The following CCSER1 variants were observed in gnomAD, a reference collection of about 807,000 sequenced individuals.
CCSER1 encodes serine-rich coiled-coil domain-containing protein 1.
Under a neutral mutation model 82.0 loss-of-function variants are expected in CCSER1, and 41 were observed. The ratio of observed to expected loss-of-function variants is 0.50; its 90% CI spans 0.39 to 0.65. CCSER1 has a LOEUF of 0.65. Ranked by LOEUF, CCSER1 falls within the 30% of genes least tolerant of loss-of-function variation. The probability of loss-of-function intolerance (pLI) is 0.00; values close to 1 mark genes in which losing one functional copy is unlikely to be tolerated. For missense variants in CCSER1, 1,119 were observed against 1,064.2 expected, an observed-to-expected ratio of 1.05 and a Z score of -0.72; for synonymous variants, 414 against 383.9, an observed-to-expected ratio of 1.08 and a Z score of -0.92.
intron 10 of CCSER1, among the ~76,000 whole-genome samples, chr4:91,404,443 G>A (rs1186666646): frequency 1.3e-5 from 2 of 152,178 alleles, no homozygotes; most frequent in East Asian, 3.9e-4. Flanking sequence ...GCTAGCTTTT[G>A]AATGTGTTTG....
intron 5 of CCSER1, among the ~76,000 whole-genome samples, chr4:90,510,989 A>C (rs1343366464): frequency 1.3e-5 from 2 of 152,168 alleles, no homozygotes; most frequent in Non-Finnish European, 2.9e-5. Context: ...AAGATTAGGG[A>C]GATGAGGAAA....
At chr4:90,148,374 T>C (rs535768689) in intron 1 of CCSER1, among the ~76,000 whole-genome samples, 10 of 152,294 alleles carry the variant, frequency 6.6e-5, no homozygotes, top group African/African-American at 2.4e-4. Flanking sequence ...TATTAGTCTC[T>C]TGAAAATATT....
rs1578619952 is a variant in CCSER1 at position 91,496,666 on chromosome 4, ATATTC to A, written c.2218-101905_2218-101901del. Reference sequence around the variant, plus strand: ...TATTCAATATATATTGAATATATATATATTCAATATATTTGAATATATATATATTC... The same window carrying A: ...TATTCAATATATATTGAATATATATAAATATATTTGAATATATATATATTC... On this transcript the variant is annotated intron_variant, in intron 10 of 10. Transcript: ENST00000509176. 6.1e-4 allele frequency among the ~76,000 whole-genome samples: 19 copies of A among 31,146 alleles called. 7 individuals carry two copies. The highest frequency in any genetic ancestry group is 4.4e-3 in the East Asian group (2 of 458). 20.4% of individuals were successfully genotyped at this position (31,146 alleles called of 152,430 possible). A position where few individuals can be genotyped will look rare whatever the true frequency, so the allele number is the denominator to read the frequency against.
chr4:91,237,101 A>G (rs1739067119), intron 10 of CCSER1, among the ~76,000 whole-genome samples: 1 of 152,164 alleles, frequency 6.6e-6, no homozygotes, highest in South Asian at 2.1e-4. Flanking sequence ...TTTGTAGGTT[A>G]TATGCCCATT....
At chr4:90,934,630 T>C (rs942946035) in intron 9 of CCSER1, among the ~76,000 whole-genome samples, 11 of 152,146 alleles carry the variant, frequency 7.2e-5, no homozygotes, top group African/African-American at 2.7e-4. Context: ...GAAGATGCTA[T>C]TAAAAATTGG....
At chr4:91,260,772 T>G (rs1024295434) in intron 10 of CCSER1, among the ~76,000 whole-genome samples, 2 of 151,950 alleles carry the variant, frequency 1.3e-5, no homozygotes, top group Non-Finnish European at 2.9e-5. Flanking sequence ...ATTTTTTTAT[T>G]TTTTTTGAGA....
chr4:90,475,617 C>T (rs1764968434), intron 5 of CCSER1, among the ~76,000 whole-genome samples: 1 of 152,230 alleles, frequency 6.6e-6, no homozygotes, highest in Non-Finnish European at 1.5e-5. Flanking sequence ...GCCCAGAAAA[C>T]CTCGAGGGTG....
chr4:90,161,153 A>G (rs1161347628), intron 1 of CCSER1, among the ~76,000 whole-genome samples: 1 of 152,164 alleles, frequency 6.6e-6, no homozygotes, highest in Non-Finnish European at 1.5e-5. Flanking sequence ...TGAAGTCTAA[A>G]TTTTCTCTTA....
At chr4:90,856,798 A>G (rs1764512862) in intron 8 of CCSER1, among the ~76,000 whole-genome samples, 1 of 152,164 alleles carries the variant, frequency 6.6e-6, no homozygotes, top group Admixed American at 6.6e-5. Flanking sequence ...TGAAATATAT[A>G]TCAAAATGTA....
intron 9 of CCSER1, among the ~76,000 whole-genome samples, chr4:90,946,351 C>G (rs1361982396): frequency 2.0e-5 from 3 of 152,166 alleles, no homozygotes; most frequent in Non-Finnish European, 4.4e-5. Context: ...ATGGAGGAGG[C>G]TGGGTGCGGT....
intron 7 of CCSER1, among the ~76,000 whole-genome samples, chr4:90,805,179 T>C (rs62314108): frequency 0.066 from 9,992 of 152,284 alleles, 452 homozygotes; most frequent in Admixed American, 0.12. Context: ...CAATTTTCTA[T>C]GTCAAGAACT....
intron 1 of CCSER1, among the ~76,000 whole-genome samples, chr4:90,154,487 G>A (rs1425312089): frequency 4.0e-5 from 6 of 151,710 alleles, no homozygotes; most frequent in Non-Finnish European, 5.9e-5. Context: ...CCATGTTCAC[G>A]ATATTGATTC....
intron 6 of CCSER1, among the ~76,000 whole-genome samples, chr4:90,659,710 A>T (rs573466468): frequency 6.6e-6 from 1 of 152,228 alleles, no homozygotes; most frequent in East Asian, 1.9e-4. Flanking sequence ...TTATCACTCT[A>T]TATAGCATTT....
intron 10 of CCSER1, among the ~76,000 whole-genome samples, chr4:91,354,852 G>T (rs547661723): frequency 1.3e-5 from 2 of 152,246 alleles, no homozygotes; most frequent in African/African-American, 2.4e-5. Context: ...CAAATTTCTG[G>T]TTTTTCCTAG....
chr4:90,573,352 TCCTGG>T (rs1780339817), intron 5 of CCSER1, among the ~76,000 whole-genome samples: 1 of 152,206 alleles, frequency 6.6e-6, no homozygotes, highest in South Asian at 2.1e-4. Context: ...ATGGATACTG[TCCTGG>T]AATATGGGAC....
intron 10 of CCSER1, among the ~76,000 whole-genome samples, chr4:91,478,907 A>C (rs1757736580): frequency 6.6e-6 from 1 of 151,976 alleles, no homozygotes; most frequent in Admixed American, 6.6e-5. Flanking sequence ...TCTGTAAAAT[A>C]ATGTTATATA....
At chr4:90,146,732 C>T (rs1725877525) in intron 1 of CCSER1, among the ~76,000 whole-genome samples, 1 of 151,956 alleles carries the variant, frequency 6.6e-6, no homozygotes, top group Non-Finnish European at 1.5e-5. Flanking sequence ...TCTTTTAGAA[C>T]AGCACTTTTG....
At chr4:91,151,366 C>T (rs575126764) in intron 10 of CCSER1, among the ~76,000 whole-genome samples, 30 of 151,976 alleles carry the variant, frequency 2.0e-4, no homozygotes, top group Non-Finnish European at 3.1e-4. Flanking sequence ...CTTTTTTCTT[C>T]TTCATTAGTC....
At chr4:91,381,455 C>T (rs1210148355) in intron 10 of CCSER1, among the ~76,000 whole-genome samples, 1 of 152,040 alleles carries the variant, frequency 6.6e-6, no homozygotes, top group Admixed American at 6.6e-5. Context: ...TATTTTTACT[C>T]TTTTTTCTGT....
Sources: gnomAD v4.1 joint callset for allele counts (sites outside exome capture counted in the v4.1 genomes callset) on GRCh38, gnomAD v4.1.1 for gene constraint, MANE v1.5 for transcripts, NCBI Gene and HGNC (gene_info 2026-07-23, HGNC 2026-07-21) for gene names.